Variants in NIF3L1 observed in about 807,000 individuals in gnomAD.
NIF3L1 encodes the protein NIF3-like protein 1.
NIF3L1 carries 26 observed loss-of-function variants against 35.0 expected under a neutral mutation model. The ratio of observed to expected loss-of-function variants is 0.74; its 90% CI spans 0.54 to 1.03. The LOEUF (loss-of-function observed/expected upper bound fraction) is 1.03. Among genes scored for constraint, NIF3L1 ranks in the 50% least tolerant of loss-of-function variants. NIF3L1 has a pLI of 0.00. For synonymous variants in NIF3L1, 157 were observed against 178.9 expected (o/e 0.88, Z 0.98); for missense variants, 449 against 466.3 (o/e 0.96, Z 0.34).
Position 200,897,100 on chromosome 2 carries a change from G to C in NIF3L1, c.751G>C (p.Gly251Arg). ...GCCTTTGCTTCTACATACTGGAATG[G>C]GACGGTTATGCACACTGGATGAATC... is the stretch of plus-strand genomic sequence containing the variant. ...EKPLLLHTGM[G>R]RLCTLDESVS... Residue 251 changes from glycine to arginine, a missense_variant, in exon 5 of 7, where the codon GGA becomes CGA. Gly to Arg is a moderately radical substitution (Grantham distance 125). Coordinates refer to ENST00000409020, the MANE Select transcript of NIF3L1 (RefSeq NM_001369441.2). 1 of 1,613,930 alleles carries C rather than the reference G, an allele frequency of 6.2e-7. No individual in the cohort carries two copies. The highest frequency in any genetic ancestry group is 1.3e-5 in the African/African-American group (1 of 75,014).
At position 200,892,314 on chromosome 2, in the gene NIF3L1, A is replaced by G. The variant is rs768502613; in HGVS notation, c.371A>G (p.Tyr124Cys). ...IRALENRVGI[Y>C]SPHTAYDAAP... Reference sequence around the variant, plus strand: ...GCTCTGGAGAACAGAGTCGGTATCTACTCTCCTCATACAGCCTATGATGCT... The same window carrying G: ...GCTCTGGAGAACAGAGTCGGTATCTGCTCTCCTCATACAGCCTATGATGCT... Residue 124 changes from tyrosine to cysteine, a missense_variant, in exon 2 of 7, where the codon TAC becomes TGC. By Grantham distance (194) the Tyr-to-Cys change is radical. Coordinates refer to ENST00000409020, the MANE Select transcript of NIF3L1 (RefSeq NM_001369441.2). 1 of 1,613,478 alleles carries G rather than the reference A, an allele frequency of 6.2e-7. No homozygotes were observed. Among genetic ancestry groups the G allele is most frequent in the Non-Finnish European group, 8.5e-7 (1 of 1,179,974 alleles).
chr2:200,889,701 CTGCTTAATAGTAAACAG>C (rs2040124362), intron 1 of NIF3L1, 49 bp downstream of exon 1: 1 of 153,328 alleles, frequency 6.5e-6, no homozygotes, highest in Non-Finnish European at 1.5e-5. Context: ...CCTACTGATG[CTGCTTAATAGTAAACAG>C]TGCTTACTCT....
At chr2:200,891,307 C>A (rs1010372086) in intron 1 of NIF3L1, among the ~76,000 whole-genome samples, 12 of 152,190 alleles carry the variant, frequency 7.9e-5, no homozygotes, top group Non-Finnish European at 1.0e-4. Flanking sequence ...ACTCCAAATT[C>A]TGTTGCAATC....
intron 1 of NIF3L1, among the ~76,000 whole-genome samples, chr2:200,890,921 G>T (rs1002630060): frequency 4.0e-5 from 6 of 148,718 alleles, no homozygotes; most frequent in African/African-American, 1.5e-4. Flanking sequence ...CTTGATTTTT[G>T]ATTCTGATAA....
upstream of NIF3L1, chr2:200,889,359 A>G (rs2124865876): frequency 3.4e-6 from 1 of 292,888 alleles, no homozygotes; most frequent in Middle Eastern, 1.3e-3. Flanking sequence ...CCGACGCGGG[A>G]CCGGAAGTGA....
upstream of NIF3L1, chr2:200,889,330 T>C (rs1187851608): frequency 1.1e-5 from 3 of 282,722 alleles, no homozygotes; most frequent in Admixed American, 4.6e-5. Flanking sequence ...GGGAGCCAAG[T>C]GCCACAGCAT....
chr2:200,902,865 T>C lies in NIF3L1; in HGVS notation c.950-629T>C, dbSNP rs116565092. On this transcript the variant is annotated intron_variant, in intron 6 of 6. Transcript: ENST00000409020. Reference sequence around the variant, plus strand: ...AAATTTTCTGAAGGCCTCATTTTACTTGGCAGTGATCATTCATTTTACCGT... The same window carrying C: ...AAATTTTCTGAAGGCCTCATTTTACCTGGCAGTGATCATTCATTTTACCGT... Among the ~76,000 whole-genome samples the C allele has an allele frequency of 2.9e-3, 440 of 152,340 alleles. 3 individuals carry two copies. Among genetic ancestry groups the C allele is most frequent in the African/African-American group, 0.01 (430 of 41,584 alleles).
chr2:200,895,007 G>T (rs2040277151), intron 3 of NIF3L1, among the ~76,000 whole-genome samples: 1 of 152,108 alleles, frequency 6.6e-6, no homozygotes, highest in South Asian at 2.1e-4. Context: ...CCCCCACCTA[G>T]ATATAATGAA....
intron 6 of NIF3L1, among the ~76,000 whole-genome samples, chr2:200,900,986 G>C (rs774782252): frequency 3.3e-5 from 5 of 152,256 alleles, no homozygotes; most frequent in Admixed American, 6.5e-5. Flanking sequence ...GTTAAAATAT[G>C]TTCTATATAT....
At chr2:200,894,536 GAC>G (rs1488831631) in intron 3 of NIF3L1, among the ~76,000 whole-genome samples, 1 of 151,748 alleles carries the variant, frequency 6.6e-6, no homozygotes, top group Non-Finnish European at 1.5e-5. Flanking sequence ...CAGTAGCTGG[GAC>G]TACAGGCACC....
rs137926202 is a variant in NIF3L1 at position 200,903,831 on chromosome 2, C to T, written c.*153C>T. 5.8e-4 allele frequency: 392 copies of T among 673,606 alleles called. 3 individuals carry two copies. The East Asian group carries it at 0.01, about 17-fold the overall frequency. 41.7% of individuals were successfully genotyped at this position (673,606 alleles called of 1,614,324 possible). ...TAATCTTATTCACCAAATGTTCTAT[C>T]GCTCGTAAGGTAAAACTGTAATATA... On this transcript the variant is annotated 3_prime_UTR_variant, in exon 7 of 7. Transcript: ENST00000409020.
At chr2:200,893,529 G>A (rs2040243478) in intron 3 of NIF3L1, 121 bp downstream of exon 3, 1 of 903,588 alleles carries the variant, frequency 1.1e-6, no homozygotes, top group African/African-American at 1.7e-5. Flanking sequence ...GATTTACAAA[G>A]TAGCATACTC....
intron 5 of NIF3L1, among the ~76,000 whole-genome samples, chr2:200,897,845 TTGTC>T (rs890102132): frequency 1.7e-4 from 26 of 152,310 alleles, no homozygotes; most frequent in African/African-American, 5.3e-4. Context: ...ACTGTACTGA[TTGTC>T]TGTCCTAAGT....
intron 1 of NIF3L1, chr2:200,890,711 T>C (rs1358382443): frequency 6.6e-6 from 1 of 152,222 alleles, no homozygotes; most frequent in Non-Finnish European, 1.5e-5. Flanking sequence ...ACCTTCCCTC[T>C]GTTGCCAACC....
chr2:200,891,932 C>A lies in NIF3L1; in HGVS notation c.-12C>A. 6.3e-7 allele frequency: 1 copy of A among 1,575,624 alleles called. No homozygotes were observed. The highest frequency in any genetic ancestry group is 1.2e-5 in the South Asian group (1 of 86,668). On this transcript the variant is annotated 5_prime_UTR_variant, in exon 2 of 7. Coordinates refer to ENST00000409020, the MANE Select transcript of NIF3L1 (RefSeq NM_001369441.2). ...TTTGACATCAGAAACTTGAACTTTA[C>A]CTGATTTCTGTATGTTGTCATCTTG... is the stretch of plus-strand genomic sequence containing the variant.
intron 6 of NIF3L1, among the ~76,000 whole-genome samples, 191 bp from the exon 7 acceptor site, chr2:200,903,303 T>C (rs1195015219): frequency 6.6e-6 from 1 of 152,198 alleles, no homozygotes; most frequent in African/African-American, 2.4e-5. Flanking sequence ...GCGCCCAGAC[T>C]TTTCTCTCTT....
At position 200,903,785 on chromosome 2, in the gene NIF3L1, G is replaced by A. The variant is rs1405306033; in HGVS notation, c.*107G>A. On this transcript the variant is annotated 3_prime_UTR_variant, in exon 7 of 7. Coordinates refer to ENST00000409020, the MANE Select transcript of NIF3L1 (RefSeq NM_001369441.2). ...GTGCTTCCAGAGAGTGTCTTCGAGG[G>A]TATCATCATTTCCGGTTTGTTAATC... is the stretch of plus-strand genomic sequence containing the variant. 1.1e-6 allele frequency: 1 copy of A among 878,408 alleles called. No homozygotes were observed. The highest frequency in any genetic ancestry group is 1.7e-5 in the African/African-American group (1 of 60,172). The allele number at this position is 878,408 out of a possible 1,614,324, so 54.4% of individuals were successfully genotyped here. A position where few individuals can be genotyped will look rare whatever the true frequency, so the allele number is the denominator to read the frequency against.
intron 3 of NIF3L1, among the ~76,000 whole-genome samples, chr2:200,893,956 C>T (rs1410435092): frequency 6.6e-6 from 1 of 152,090 alleles, no homozygotes; most frequent in Non-Finnish European, 1.5e-5. Flanking sequence ...TGGTGGATCA[C>T]CTGAGGTCAG....
In NIF3L1 at chr2:200,897,064, G is replaced by T. The variant is rs759851064; in HGVS notation, c.727-12G>T. ...ACAATGCACACCGTTTCTAACTTCT[G>T]TTTCTCCTCAGCCTTTGCTTCTACA... On this transcript the variant is annotated splice_polypyrimidine_tract_variant and intron_variant, in intron 4 of 6. Coordinates refer to ENST00000409020, the MANE Select transcript of NIF3L1 (RefSeq NM_001369441.2). The T allele has an allele frequency of 1.2e-6, 2 of 1,612,836 alleles. No individual in the cohort carries two copies. The highest frequency in any genetic ancestry group is 2.2e-5 in the South Asian group (2 of 90,950).
Sources: allele counts gnomAD v4.1 joint callset (sites outside exome capture counted in the v4.1 genomes callset), GRCh38; gene constraint gnomAD v4.1.1; transcripts MANE v1.5; gene names NCBI Gene and HGNC (gene_info 2026-07-23, HGNC 2026-07-21).